PHACTR1: variants seen among roughly 807,000 people sequenced by gnomAD.
PHACTR1 encodes RPEL repeat containing 1.
A neutral mutation model predicts 69.2 loss-of-function variants in PHACTR1; 16 were observed. The observed-to-expected ratio is 0.23, with a 90% confidence interval of 0.16 to 0.35. The LOEUF (loss-of-function observed/expected upper bound fraction) is 0.35. Among genes scored for constraint, PHACTR1 ranks in the 10% least tolerant of loss-of-function variants. The pLI is 1.00. For synonymous variants in PHACTR1, 312 were observed against 284.5 expected (o/e 1.10, Z -0.97); for missense variants, 510 against 734.7 (o/e 0.69, Z 3.54).
rs1799856842 is a variant in PHACTR1, at chr6:13,014,303, G to C, written c.251-39062G>C. 2.0e-5 allele frequency among the ~76,000 whole-genome samples: 3 copies of C among 152,290 alleles called. No homozygotes were observed. In the South Asian group the frequency reaches 6.2e-4, roughly 32 times the overall value. On this transcript the variant is annotated intron_variant, in intron 4 of 14. Coordinates refer to ENST00000332995, the MANE Select transcript of PHACTR1 (RefSeq NM_030948.6). ...ACAGCCGCCCGCCGGGCACTTTGCA[G>C]AGTGCCACCCACAGCCCAACCCGGG... is the stretch of plus-strand genomic sequence containing the variant.
rs56095538 is a variant in PHACTR1, at chr6:12,774,380, T to TTTGTTG, written c.250+24611_250+24616dup. ...ATCAATAATTTGAACATATTTGGCT[T>TTTGTTG]TTGTTGTTGTTGTTGTTGTTGTTGT... On this transcript the variant is annotated intron_variant, in intron 4 of 14. Transcript: ENST00000332995. Among the ~76,000 whole-genome samples, 1,357 of 151,616 alleles carry TTTGTTG rather than the reference T, an allele frequency of 9.0e-3. 19 individuals carry two copies. Among genetic ancestry groups the TTTGTTG allele is most frequent in the African/African-American group, 0.031 (1,284 of 41,314 alleles).
chr6:13,206,131 G>C lies in PHACTR1; in HGVS notation c.981G>C (p.Leu327=). 6.3e-7 allele frequency: 1 copy of C among 1,588,862 alleles called. No individual in the cohort carries two copies. Among genetic ancestry groups the C allele is most frequent in the Non-Finnish European group, 8.6e-7 (1 of 1,165,232 alleles). The stretch of plus-strand genomic sequence containing the variant: ...CGCTGGCCATGACCATGCAGAGGCT[G>C]GAAAGGTAAAGGTGGGCACCAGGAG... ...NKTLAMTMQR[L]ESSEQRVPCS... The change falls in exon 8 of 15, where the codon CTG becomes CTC. Residue 327 remains leucine, a synonymous_variant. Transcript: ENST00000332995.
At chr6:12,978,207 G>T (rs994424138) in intron 4 of PHACTR1, among the ~76,000 whole-genome samples, 1 of 152,126 alleles carries the variant, frequency 6.6e-6, no homozygotes, top group Non-Finnish European at 1.5e-5. Context: ...CCCACTGGCC[G>T]CCAGAGTCTG....
At chr6:12,757,173 AAC>A (rs1202561297) in intron 4 of PHACTR1, among the ~76,000 whole-genome samples, 1 of 152,164 alleles carries the variant, frequency 6.6e-6, no homozygotes, top group Non-Finnish European at 1.5e-5. Context: ...AAGGGCTTTG[AAC>A]ACAGTTCTTC....
chr6:12,782,287 G>T (rs967397916), intron 4 of PHACTR1, among the ~76,000 whole-genome samples: 1 of 152,094 alleles, frequency 6.6e-6, no homozygotes, highest in Non-Finnish European at 1.5e-5. Flanking sequence ...GGAACATGAC[G>T]CCTTACATAG....
intron 4 of PHACTR1, among the ~76,000 whole-genome samples, chr6:12,763,257 A>AAC (rs1561859897): frequency 1.7e-4 from 26 of 150,798 alleles, no homozygotes; most frequent in Non-Finnish European, 3.1e-4. Flanking sequence ...ACAACAACAA[A>AAC]ACAGCAGCCA....
At chr6:13,027,316 T>C (rs1219604342) in intron 4 of PHACTR1, among the ~76,000 whole-genome samples, 1 of 152,214 alleles carries the variant, frequency 6.6e-6, no homozygotes, top group Non-Finnish European at 1.5e-5. Flanking sequence ...ATTTTCTGCC[T>C]AGTGTTTAAA....
chr6:12,931,072 T>G (rs557514509), intron 4 of PHACTR1, among the ~76,000 whole-genome samples: 1 of 149,232 alleles, frequency 6.7e-6, no homozygotes, highest in South Asian at 2.1e-4. Flanking sequence ...ATTTTAGTGG[T>G]CAAGGTAAAG....
chr6:13,190,706 A>G (rs898552238), intron 7 of PHACTR1, among the ~76,000 whole-genome samples: 1 of 151,848 alleles, frequency 6.6e-6, no homozygotes, highest in African/African-American at 2.4e-5. Context: ...TCAGCAAAGA[A>G]AGGAAACTGA....
chr6:12,880,429 T>C (rs1782972031), intron 4 of PHACTR1, among the ~76,000 whole-genome samples: 1 of 152,094 alleles, frequency 6.6e-6, no homozygotes, highest in African/African-American at 2.4e-5. Context: ...CTAATTCTTG[T>C]ATTTTTTGTA....
chr6:13,166,772 C>A (rs1759871514), intron 6 of PHACTR1, among the ~76,000 whole-genome samples: 1 of 152,100 alleles, frequency 6.6e-6, no homozygotes, highest in South Asian at 2.1e-4. Flanking sequence ...GGGATTGGTT[C>A]CAGAACCACC....
intron 8 of PHACTR1, among the ~76,000 whole-genome samples, chr6:13,215,480 A>G (rs1767526987): frequency 6.6e-6 from 1 of 152,236 alleles, no homozygotes; most frequent in Admixed American, 6.5e-5. Context: ...TACTGTCTCC[A>G]GATAGAGAAT....
At chr6:13,197,533 T>C (rs530914227) in intron 7 of PHACTR1, among the ~76,000 whole-genome samples, 96 of 152,042 alleles carry the variant, frequency 6.3e-4, no homozygotes, top group Non-Finnish European at 1.0e-3. Flanking sequence ...CCAGCTCTTC[T>C]GAGTTCCTTT....
At chr6:12,881,821 T>A (rs1783125772) in intron 4 of PHACTR1, among the ~76,000 whole-genome samples, 1 of 152,140 alleles carries the variant, frequency 6.6e-6, no homozygotes, top group East Asian at 1.9e-4. Flanking sequence ...AAAGCTATGA[T>A]GTCCCATGCC....
At chr6:12,748,816 A>T (rs1477142279) in intron 3 of PHACTR1, among the ~76,000 whole-genome samples, 2 of 152,350 alleles carry the variant, frequency 1.3e-5, no homozygotes, top group South Asian at 2.1e-4. Flanking sequence ...GTTAGTGGTT[A>T]GAAAAGGCCA....
At chr6:13,254,089 G>A (rs1460008275) in intron 10 of PHACTR1, among the ~76,000 whole-genome samples, 9 of 152,140 alleles carry the variant, frequency 5.9e-5, no homozygotes, top group African/African-American at 1.4e-4. Context: ...TTAGCCAGGC[G>A]TGGTGGCACA....
rs1435377590 is a variant in PHACTR1 at position 13,133,225 on chromosome 6, CT to C, written c.416-26978del. Among the ~76,000 whole-genome samples the C allele has an allele frequency of 4.0e-3, 214 of 53,382 alleles. 5 individuals are homozygous for C. The highest frequency in any genetic ancestry group is 0.016 in the African/African-American group (200 of 12,718). 35.0% of individuals were successfully genotyped at this position (53,382 alleles called of 152,430 possible). ...CCTCCCCCTCCCCCTCCCCCTCCCC[CT>C]CCCCCTCTCCCTCTCCCTTTCCCTC... On this transcript the variant is annotated intron_variant, in intron 5 of 14. Transcript: ENST00000332995.
Position 13,250,155 on chromosome 6 carries a change from C to G in PHACTR1, c.1391+19962C>G, listed in dbSNP as rs1774179732. On this transcript the variant is annotated intron_variant, in intron 10 of 14. Transcript: ENST00000332995. Reference sequence around the variant, plus strand: ...CCCACAAACCCAAAGTATTTACTATCTGGCCCTTTGAAGAAAAAAGAAATG... The same window carrying G: ...CCCACAAACCCAAAGTATTTACTATGTGGCCCTTTGAAGAAAAAAGAAATG... 2.6e-5 allele frequency among the ~76,000 whole-genome samples: 4 copies of G among 152,326 alleles called. No individual in the cohort carries two copies. The South Asian group carries it at 8.3e-4, about 32-fold the overall frequency.
intron 4 of PHACTR1, among the ~76,000 whole-genome samples, chr6:12,809,838 C>A (rs892786460): frequency 1.3e-5 from 2 of 152,156 alleles, no homozygotes; most frequent in East Asian, 1.9e-4. Flanking sequence ...CAAAAATTAT[C>A]TTTTTTGGAC....
Sources: gnomAD v4.1 joint callset for allele counts (sites outside exome capture counted in the v4.1 genomes callset) on GRCh38, gnomAD v4.1.1 for gene constraint, MANE v1.5 for transcripts, NCBI Gene and HGNC (gene_info 2026-07-23, HGNC 2026-07-21) for gene names.